Variants in FGD3 observed in about 807,000 individuals in gnomAD.
FGD3 encodes the protein FYVE, RhoGEF and PH domain containing 3, also known as FYVE, RhoGEF and PH domain-containing protein 3.
A neutral mutation model predicts 71.8 loss-of-function variants in FGD3; 45 were observed. That is an observed-to-expected ratio of 0.63 (90% CI 0.49 to 0.80). The LOEUF is 0.80. FGD3 is among the 30% of genes least tolerant of loss of function. FGD3 has a pLI of 0.00. For missense variants in FGD3, 844 were observed against 951.5 expected (o/e 0.89, Z 1.49); for synonymous variants, 378 against 392.8 (o/e 0.96, Z 0.44).
rs73651350 is a variant in FGD3, at chr9:92,977,469, A to C, written c.453+760A>C. On this transcript the variant is annotated intron_variant, in intron 3 of 17. Coordinates refer to ENST00000375482, the MANE Select transcript of FGD3 (RefSeq NM_001083536.2). ...TTGCGGGTCAGGCTTGCTGGCTCCT[A>C]GGTGGGGACGTTGCTGGCTGACACG... Among the ~76,000 whole-genome samples, 1,094 of 152,088 alleles carry C rather than the reference A, an allele frequency of 7.2e-3. 12 individuals are homozygous for C. The highest frequency in any genetic ancestry group is 0.022 in the African/African-American group (927 of 41,486).
chr9:92,969,272 G>A lies in FGD3; in HGVS notation c.-217-5966G>A, dbSNP rs955863769. ...TCAGGCCTGGCTGCCACCTGCTGTC[G>A]GCGGGGATGCCCCCGCATGCCTCTC... is the stretch of plus-strand genomic sequence containing the variant. On this transcript the variant is annotated intron_variant, in intron 1 of 17. Coordinates refer to ENST00000375482, the MANE Select transcript of FGD3 (RefSeq NM_001083536.2). The surrounding 1 kb of genome is among the most constrained non-coding windows in gnomAD (Gnocchi z 4.5). 5.9e-5 allele frequency among the ~76,000 whole-genome samples: 9 copies of A among 152,156 alleles called. No individual in the cohort carries two copies. The South Asian group carries it at 6.2e-4, about 11-fold the overall frequency.
chr9:92,957,870 G>A (rs2118507702), intron 1 of FGD3, among the ~76,000 whole-genome samples: 1 of 151,308 alleles, frequency 6.6e-6, no homozygotes, highest in South Asian at 2.1e-4. Context: ...TTGTAGAGAT[G>A]AAGTTTCACT....
chr9:93,035,466 C>G lies in FGD3; in HGVS notation c.2055C>G (p.Ala685=), dbSNP rs1274895694. The change falls in exon 18 of 18, where the codon GCC becomes GCG. Residue 685 remains alanine (A), a synonymous_variant. Transcript: ENST00000375482. ...QWAKQSWYLS[A]SSAELQQQWL... is the part of the protein sequence containing the mutation. The stretch of plus-strand genomic sequence containing the variant: ...CCAAGCAGTCCTGGTACCTGAGCGC[C>G]TCCTCCGCAGAGCTGCAGCAGCAGT... 3 of 1,613,456 alleles carry G rather than the reference C, an allele frequency of 1.9e-6. No individual in the cohort carries two copies. The highest frequency in any genetic ancestry group is 2.2e-5 in the South Asian group (2 of 91,044).
chr9:93,004,207 AG>A (rs1018097167), intron 5 of FGD3, 70 bp downstream of exon 5: 2 of 1,581,514 alleles, frequency 1.3e-6, no homozygotes, highest in Non-Finnish European at 1.7e-6. Context: ...TGTGCCTGAG[AG>A]CGAGGCAAGT....
intron 1 of FGD3, among the ~76,000 whole-genome samples, chr9:92,955,088 G>A (rs532315872): frequency 6.6e-6 from 1 of 152,336 alleles, no homozygotes; most frequent in East Asian, 1.9e-4. Flanking sequence ...GGCAAGGCCC[G>A]TGAGGGTAGG....
At chr9:92,980,236 A>G (rs559697449) in intron 3 of FGD3, among the ~76,000 whole-genome samples, 13 of 152,162 alleles carry the variant, frequency 8.5e-5, no homozygotes, top group African/African-American at 3.1e-4. Flanking sequence ...GGCCAGGGTG[A>G]TCTCAAATTC....
Position 93,020,230 on chromosome 9 carries a change from C to T in FGD3, c.1387-87C>T, listed in dbSNP as rs556610961. 1.8e-5 allele frequency: 23 copies of T among 1,305,330 alleles called. No homozygotes were observed. The African/African-American group carries it at 3.1e-4, about 18-fold the overall frequency. 80.9% of individuals were successfully genotyped at this position (1,305,330 alleles called of 1,614,324 possible). ...TGTTCTGGGAACGCCAAGGCCCGTC[C>T]TCGGGACAGAGGCAGGCGCGTCCCT... On this transcript the variant is annotated intron_variant, in intron 12 of 17. Transcript: ENST00000375482.
chr9:92,976,383 T>A lies in FGD3; in HGVS notation c.127T>A (p.Cys43Ser), dbSNP rs1222404861. The A allele has an allele frequency of 6.2e-7, 1 of 1,610,878 alleles. No individual in the cohort carries two copies. Among genetic ancestry groups the A allele is most frequent in the South Asian group, 1.1e-5 (1 of 90,420 alleles). The change falls in exon 3 of 18, where the codon TGT becomes AGT. Residue 43 changes from cysteine (C) to serine (S), a missense_variant. Cys to Ser is a moderately radical substitution (Grantham distance 112, BLOSUM62 -1). Transcript: ENST00000375482. ...GCTCCCTGTTGGGCCCAGAGCCCAC[T>A]GTGGGGACCCTGTCAGCCTGGCTGC... ...QALPVGPRAH[C>S]GDPVSLAAAG...
chr9:93,004,186 A>T, intron 5 of FGD3, 49 bp downstream of exon 5: 1 of 1,605,992 alleles, frequency 6.2e-7, no homozygotes, highest in South Asian at 1.1e-5. Flanking sequence ...TGTTCTCTAG[A>T]CCAGGGTTCA....
At chr9:93,001,597 G>A (rs933564649) in intron 3 of FGD3, among the ~76,000 whole-genome samples, 1 of 152,176 alleles carries the variant, frequency 6.6e-6, no homozygotes, top group African/African-American at 2.4e-5. Flanking sequence ...GATGGGTCCT[G>A]GCACTAGGAA....
At chr9:92,974,042 A>G (rs1181481983) in intron 1 of FGD3, among the ~76,000 whole-genome samples, 1 of 152,342 alleles carries the variant, frequency 6.6e-6, no homozygotes, top group East Asian at 1.9e-4. Context: ...CTCAGGGACC[A>G]CAGTGTTTTA....
intron 1 of FGD3, among the ~76,000 whole-genome samples, chr9:92,966,602 C>G (rs1236525245): frequency 6.6e-6 from 1 of 152,226 alleles, no homozygotes; most frequent in African/African-American, 2.4e-5. Flanking sequence ...TGCCCGGGGC[C>G]CACCCCACCT....
At position 92,976,718 on chromosome 9, in the gene FGD3, C is replaced by T. The variant is rs754762139; in HGVS notation, c.453+9C>T. On this transcript the variant is annotated intron_variant, in intron 3 of 17. Coordinates refer to ENST00000375482, the MANE Select transcript of FGD3 (RefSeq NM_001083536.2). ...ATGCCGGCCTGGCCCAGGTAGGCTT[C>T]CCCTTCTCTGTCCCCGCTGCGGGCT... 9.6e-6 allele frequency: 15 copies of T among 1,557,264 alleles called. No homozygotes were observed. In the Admixed American group the frequency reaches 2.1e-4, roughly 22 times the overall value.
At chr9:92,994,865 T>C (rs1860568005) in intron 3 of FGD3, among the ~76,000 whole-genome samples, 2 of 152,236 alleles carry the variant, frequency 1.3e-5, no homozygotes, top group Non-Finnish European at 1.5e-5. Context: ...CATGCTGTTT[T>C]GGTTACTGTA....
chr9:93,010,544 GA>G (rs1476752975), intron 7 of FGD3, among the ~76,000 whole-genome samples, 160 bp downstream of exon 7: 110 of 151,934 alleles, frequency 7.2e-4, no homozygotes, highest in African/African-American at 2.5e-3. Context: ...GCAGGGGAGG[GA>G]GAGAGATGGA....
chr9:92,950,675 A>G (rs1858937795), intron 1 of FGD3, among the ~76,000 whole-genome samples: 1 of 152,212 alleles, frequency 6.6e-6, no homozygotes. Context: ...TGGCAAATGT[A>G]GCCCGAGTCC....
In FGD3 at chr9:92,960,337, C is replaced by T. The variant is rs113252269; in HGVS notation, c.-218+12608C>T. Among the ~76,000 whole-genome samples the T allele has an allele frequency of 1.0e-2, 1,515 of 152,190 alleles. 24 individuals are homozygous for T. Among genetic ancestry groups the T allele is most frequent in the African/African-American group, 0.035 (1,438 of 41,514 alleles). On this transcript the variant is annotated intron_variant, in intron 1 of 17. Transcript: ENST00000375482. ...CCCAAGTCCCCCATCCCCATGTCCT[C>T]ATTCCCCCATGAGGACCCCTCCTAT...
chr9:93,009,997 T>G (rs901604286), intron 6 of FGD3, among the ~76,000 whole-genome samples: 1 of 152,232 alleles, frequency 6.6e-6, no homozygotes, highest in Non-Finnish European at 1.5e-5. Context: ...AGGATGCGTA[T>G]AAGAGAGCCA....
chr9:92,987,170 C>T (rs1449877174), intron 3 of FGD3, among the ~76,000 whole-genome samples: 1 of 152,086 alleles, frequency 6.6e-6, no homozygotes, highest in African/African-American at 2.4e-5. Flanking sequence ...CAGTGGCTCA[C>T]GCCTGTAATG....
Sources: allele counts gnomAD v4.1 joint callset (sites outside exome capture counted in the v4.1 genomes callset), GRCh38; gene constraint gnomAD v4.1.1; non-coding constraint Gnocchi (gnomAD v3.1); transcripts MANE v1.5; gene names NCBI Gene and HGNC (gene_info 2026-07-23, HGNC 2026-07-21).